The following DLG2 variants were observed in gnomAD, a reference collection of about 807,000 sequenced individuals.
DLG2 encodes disks large homolog 2.
In DLG2, 45 loss-of-function variants were observed where a neutral mutation model predicts 132.5. That is an observed-to-expected ratio of 0.34 (90% CI 0.27 to 0.44). The LOEUF is 0.44. Among genes scored for constraint, DLG2 ranks in the 20% least tolerant of loss-of-function variants. The pLI, the probability that DLG2 is intolerant of heterozygous loss-of-function variation, is 1.00. For missense variants in DLG2, 1,045 were observed against 1,196.9 expected, an observed-to-expected ratio of 0.87 and a Z score of 1.87; for synonymous variants, 424 against 419.6, an observed-to-expected ratio of 1.01 and a Z score of -0.13.
At chr11:83,487,710 TCAA>T (rs1383850750) in intron 21 of DLG2, among the ~76,000 whole-genome samples, 2 of 152,202 alleles carry the variant, frequency 1.3e-5, no homozygotes, top group East Asian at 3.9e-4. Context: ...GCTATTGGAT[TCAA>T]CAACATCATT....
chr11:83,946,039 G>A (rs2083854534), intron 14 of DLG2, among the ~76,000 whole-genome samples: 1 of 141,130 alleles, frequency 7.1e-6, no homozygotes, highest in Non-Finnish European at 1.5e-5. Flanking sequence ...TCCCAGGCTG[G>A]AGTGCAATGG....
intron 4 of DLG2, among the ~76,000 whole-genome samples, chr11:85,276,808 C>T (rs1565255773): frequency 1.3e-5 from 2 of 152,162 alleles, no homozygotes; most frequent in Non-Finnish European, 2.9e-5. Context: ...TACTTACTGC[C>T]TAAAAAGCTC....
chr11:84,141,912 G>C (rs1467170515), intron 9 of DLG2, among the ~76,000 whole-genome samples: 1 of 151,926 alleles, frequency 6.6e-6, no homozygotes, highest in East Asian at 1.9e-4. Flanking sequence ...TGATTCCATT[G>C]TTTTCAACCT....
intron 8 of DLG2, among the ~76,000 whole-genome samples, chr11:84,222,135 C>A (rs745956854): frequency 1.3e-5 from 2 of 151,966 alleles, no homozygotes; most frequent in Non-Finnish European, 2.9e-5. Flanking sequence ...TGGGTTCAAG[C>A]GATTCTCCTG....
In DLG2 at chr11:85,080,289, A is replaced by C. The variant is rs187812548; in HGVS notation, c.357+31372T>G. 2.2e-3 allele frequency among the ~76,000 whole-genome samples: 331 copies of C among 152,216 alleles called. 1 individual carries two copies. Among genetic ancestry groups the C allele is most frequent in the African/African-American group, 7.6e-3 (316 of 41,550 alleles). Reference sequence around the variant, plus strand: ...ATATCAGCTAGAAAGGAAAGAAGGTAATCTTTTCTTGTTTGTTTGTTTGTT... The same window carrying C: ...ATATCAGCTAGAAAGGAAAGAAGGTCATCTTTTCTTGTTTGTTTGTTTGTT... On this transcript the variant is annotated intron_variant, in intron 6 of 27. Transcript: ENST00000376104.
chr11:84,077,133 A>C (rs1311785849), intron 10 of DLG2, among the ~76,000 whole-genome samples: 1 of 152,154 alleles, frequency 6.6e-6, no homozygotes, highest in Non-Finnish European at 1.5e-5. Context: ...TGTTGTCTTG[A>C]CCTGGCATCT....
chr11:84,341,967 A>G (rs1458413265), intron 7 of DLG2, among the ~76,000 whole-genome samples: 2 of 152,260 alleles, frequency 1.3e-5, no homozygotes, highest in Admixed American at 1.3e-4. Flanking sequence ...GCATCAAAAG[A>G]AAAGGATTCA....
chr11:83,747,475 C>T (rs1030316606), intron 18 of DLG2, among the ~76,000 whole-genome samples: 2 of 152,002 alleles, frequency 1.3e-5, no homozygotes, highest in Admixed American at 6.6e-5. Flanking sequence ...TCAAGCCATC[C>T]TCCCACCTCA....
chr11:85,021,855 C>T (rs2060102420), intron 6 of DLG2, among the ~76,000 whole-genome samples: 1 of 152,088 alleles, frequency 6.6e-6, no homozygotes, highest in African/African-American at 2.4e-5. Flanking sequence ...GAAAATTTGC[C>T]TTCTTTTCAC....
chr11:83,860,392 A>T (rs1235912105), intron 16 of DLG2, among the ~76,000 whole-genome samples: 1 of 152,160 alleles, frequency 6.6e-6, no homozygotes, highest in Non-Finnish European at 1.5e-5. Context: ...CATGACCTGG[A>T]TATGAGACAT....
intron 6 of DLG2, among the ~76,000 whole-genome samples, chr11:84,637,252 T>G (rs1179086235): frequency 1.3e-5 from 2 of 152,100 alleles, no homozygotes; most frequent in African/African-American, 2.4e-5. Flanking sequence ...TTACAAAGAT[T>G]ATAGCAATGA....
intron 9 of DLG2, among the ~76,000 whole-genome samples, chr11:84,102,655 C>T (rs1255401564): frequency 6.6e-6 from 1 of 152,044 alleles, no homozygotes; most frequent in African/African-American, 2.4e-5. Flanking sequence ...AGGACCCAGG[C>T]ATTTATTGAA....
intron 21 of DLG2, among the ~76,000 whole-genome samples, chr11:83,507,758 T>TTATATATATA (rs59086507): frequency 3.4e-4 from 34 of 99,874 alleles, no homozygotes; most frequent in Admixed American, 5.7e-4. Context: ...TATATTTTTA[T>TTATATATATA]TATATATATA....
intron 7 of DLG2, among the ~76,000 whole-genome samples, chr11:84,459,220 C>T (rs890686102): frequency 2.7e-5 from 4 of 150,620 alleles, no homozygotes; most frequent in African/African-American, 7.3e-5. Context: ...CATTACCATA[C>T]ATACTAAGCT....
rs371270244 is a variant in DLG2 at position 84,855,663 on chromosome 11, G to A, written c.357+255998C>T. 3.3e-5 allele frequency among the ~76,000 whole-genome samples: 5 copies of A among 152,182 alleles called. No homozygotes were observed. The South Asian group carries it at 1.0e-3, about 32-fold the overall frequency. On this transcript the variant is annotated intron_variant, in intron 6 of 27. Coordinates refer to ENST00000376104, the MANE Select transcript of DLG2 (RefSeq NM_001142699.3). ...CATACTGCAGAAGAATTATGCATGA[G>A]TTAGGGCTAGGAGTTACACTTGGGT... is the stretch of plus-strand genomic sequence containing the variant.
At chr11:83,705,945 G>A (rs1273499328) in intron 18 of DLG2, among the ~76,000 whole-genome samples, 2 of 152,152 alleles carry the variant, frequency 1.3e-5, no homozygotes, top group East Asian at 1.9e-4. Flanking sequence ...TAGGCCGGGC[G>A]TGGTGGCTCA....
chr11:84,139,910 G>GTACT (rs1382393022), intron 9 of DLG2, among the ~76,000 whole-genome samples: 1 of 152,120 alleles, frequency 6.6e-6, no homozygotes, highest in African/African-American at 2.4e-5. Flanking sequence ...GTCTTTCATA[G>GTACT]TACTTAATAT....
At chr11:85,378,395 C>G (rs2085603575) in intron 3 of DLG2, among the ~76,000 whole-genome samples, 1 of 152,144 alleles carries the variant, frequency 6.6e-6, no homozygotes, top group Admixed American at 6.5e-5. Flanking sequence ...AATTTCATCA[C>G]TTACAAGCTG....
At chr11:83,763,036 C>T (rs1290147696) in intron 18 of DLG2, among the ~76,000 whole-genome samples, 2 of 152,170 alleles carry the variant, frequency 1.3e-5, no homozygotes, top group African/African-American at 4.8e-5. Context: ...TCCCTGTCCA[C>T]CCTTGAAGGC....
Sources: allele counts gnomAD v4.1 joint callset (sites outside exome capture counted in the v4.1 genomes callset), GRCh38; gene constraint gnomAD v4.1.1; transcripts MANE v1.5; gene names NCBI Gene and HGNC (gene_info 2026-07-23, HGNC 2026-07-21).